The following KSR1 variants were observed in gnomAD, a reference collection of about 807,000 sequenced individuals.
KSR1 encodes the protein kinase suppressor of ras 1.
KSR1 carries 35 observed loss-of-function variants against 92.9 expected under a neutral mutation model. The ratio of observed to expected loss-of-function variants is 0.38; its 90% CI spans 0.29 to 0.50. The LOEUF (loss-of-function observed/expected upper bound fraction) is 0.50. KSR1 is among the 20% of genes least tolerant of loss of function. The pLI is 0.94. For synonymous variants in KSR1, 467 were observed against 472.6 expected, an observed-to-expected ratio of 0.99 and a Z score of 0.15; for missense variants, 972 against 1,158.5, an observed-to-expected ratio of 0.84 and a Z score of 2.34.
chr17:27,460,515 C>CT (rs925732759), intron 1 of KSR1, among the ~76,000 whole-genome samples: 1 of 152,148 alleles, frequency 6.6e-6, no homozygotes, highest in Admixed American at 6.5e-5. Flanking sequence ...ATGTTGGCAA[C>CT]TGTGGTAGGT....
Position 27,605,584 on chromosome 17 carries a change from G to A in KSR1, c.1765G>A (p.Glu589Lys), listed in dbSNP as rs755188882. 2.5e-6 allele frequency: 4 copies of A among 1,598,440 alleles called. No individual in the cohort carries two copies. Among genetic ancestry groups the A allele is most frequent in the East Asian group, 2.3e-5 (1 of 44,188 alleles). The stretch of plus-strand genomic sequence containing the variant: ...CCTGCAGGAGTGGGACATCCCCTTC[G>A]AGCAGGTAGAGCTGGGCGAGCCCAT... ...VYLQEWDIPF[E>K]QVELGEPIGQ... Residue 589 changes from glutamate (E) to lysine (K), a missense_variant, in exon 14 of 21, where the codon GAG (glutamate) becomes AAG (lysine). By Grantham distance (56) the Glu-to-Lys change is moderately conservative. Transcript: ENST00000644974.
At chr17:27,613,015 C>A (rs2073961135) in intron 18 of KSR1, 1 of 152,226 alleles carries the variant, frequency 6.6e-6, no homozygotes, top group Non-Finnish European at 1.5e-5. Context: ...TACTTTATTC[C>A]ACAGTAGTAT....
intron 1 of KSR1, among the ~76,000 whole-genome samples, chr17:27,521,133 C>T (rs2151020533): frequency 1.3e-5 from 2 of 152,160 alleles, no homozygotes; most frequent in Middle Eastern, 3.4e-3. Flanking sequence ...AGGAGCACAG[C>T]CCTGGGCCAG....
intron 1 of KSR1, among the ~76,000 whole-genome samples, chr17:27,480,915 G>A (rs1481453671): frequency 6.6e-6 from 1 of 152,140 alleles, no homozygotes; most frequent in Non-Finnish European, 1.5e-5. Flanking sequence ...TTCTTCTTTT[G>A]TATCAGCCAG....
At chr17:27,526,073 TTTC>T (rs1282321097) in intron 1 of KSR1, among the ~76,000 whole-genome samples, 34 of 71,804 alleles carry the variant, frequency 4.7e-4, no homozygotes, top group African/African-American at 1.4e-3. Context: ...TTTCTTTCTC[TTTC>T]TTTCTTTCTT....
intron 2 of KSR1, among the ~76,000 whole-genome samples, chr17:27,553,007 A>G (rs1224115842): frequency 6.6e-6 from 1 of 152,238 alleles, no homozygotes; most frequent in Admixed American, 6.5e-5. Flanking sequence ...CTAGAGCCAC[A>G]GAGGAGTAGA....
chr17:27,463,149 A>G (rs1229668272), intron 1 of KSR1, among the ~76,000 whole-genome samples: 1 of 152,208 alleles, frequency 6.6e-6, no homozygotes, highest in Admixed American at 6.5e-5. Flanking sequence ...CTAAGCAGGA[A>G]TGGCAGCCTT....
At chr17:27,541,952 C>A (rs1051681621) in intron 1 of KSR1, among the ~76,000 whole-genome samples, 1 of 152,226 alleles carries the variant, frequency 6.6e-6, no homozygotes. Context: ...ACCCACATCC[C>A]GATGTAGCTT....
intron 1 of KSR1, among the ~76,000 whole-genome samples, chr17:27,477,301 T>C (rs1047511310): frequency 6.6e-6 from 1 of 152,212 alleles, no homozygotes; most frequent in African/African-American, 2.4e-5. Flanking sequence ...ATGCAGCCTG[T>C]TAGCTCTCAG....
chr17:27,616,472 A>G (rs140514190), intron 18 of KSR1, among the ~76,000 whole-genome samples: 8 of 152,322 alleles, frequency 5.3e-5, no homozygotes, highest in Admixed American at 2.6e-4. Context: ...TTTTATGGAT[A>G]GAGCAGCTGC....
intron 10 of KSR1, among the ~76,000 whole-genome samples, chr17:27,600,948 G>A (rs1039151278): frequency 2.1e-4 from 32 of 152,222 alleles, no homozygotes; most frequent in African/African-American, 6.5e-4. Context: ...GGTAGGGAGT[G>A]GTAAGGTTGA....
intron 1 of KSR1, among the ~76,000 whole-genome samples, chr17:27,510,370 G>A (rs1326831962): frequency 1.3e-5 from 2 of 152,190 alleles, no homozygotes; most frequent in Non-Finnish European, 2.9e-5. Context: ...AGTGTTGGTG[G>A]TGATAAAACT....
At chr17:27,489,556 C>T (rs539103827) in intron 1 of KSR1, among the ~76,000 whole-genome samples, 1 of 152,214 alleles carries the variant, frequency 6.6e-6, no homozygotes, top group Admixed American at 6.5e-5. Context: ...TTCCTGGTAA[C>T]CCTGGCTCAT....
Position 27,456,468 on chromosome 17 carries a change from G to C in KSR1, c.-176G>C. The C allele has an allele frequency of 2.7e-6, 1 of 370,226 alleles. No homozygotes were observed. The allele number at this position is 370,226 out of a possible 1,614,324, so 22.9% of individuals were successfully genotyped here. A position where few individuals can be genotyped will look rare whatever the true frequency, so the allele number is the denominator to read the frequency against. On this transcript the variant is annotated 5_prime_UTR_variant, in exon 1 of 21. Transcript: ENST00000644974. ...GTCGGGTCGCCGCGGCTTTCGCTTT[G>C]CTGCCGCGGCTGGGAGGGTGGAAGC...
chr17:27,566,771 A>G (rs73274014), intron 2 of KSR1, among the ~76,000 whole-genome samples: 1 of 152,322 alleles, frequency 6.6e-6, no homozygotes, highest in African/African-American at 2.4e-5. Flanking sequence ...ATCAGTTAGA[A>G]TCTTCCTGAA....
At chr17:27,496,500 C>G (rs534865377) in intron 1 of KSR1, among the ~76,000 whole-genome samples, 1 of 152,300 alleles carries the variant, frequency 6.6e-6, no homozygotes, top group East Asian at 1.9e-4. Context: ...GCCAGATTTT[C>G]TGGTCCTCTT....
At chr17:27,587,854 G>A (rs1406934325) in intron 5 of KSR1, among the ~76,000 whole-genome samples, 2 of 152,352 alleles carry the variant, frequency 1.3e-5, no homozygotes, top group East Asian at 3.9e-4. Flanking sequence ...GAAGGAGGGT[G>A]CCCAAGAAGT....
At chr17:27,499,194 G>A (rs1320566694) in intron 1 of KSR1, among the ~76,000 whole-genome samples, 1 of 152,182 alleles carries the variant, frequency 6.6e-6, no homozygotes, top group East Asian at 1.9e-4. Flanking sequence ...GGAGGTGGAG[G>A]GAAGCAGCGC....
At chr17:27,592,723 T>C (rs1012096636) in intron 9 of KSR1, 97 bp downstream of exon 9, 9 of 958,116 alleles carry the variant, frequency 9.4e-6, no homozygotes, top group Non-Finnish European at 1.4e-5. Flanking sequence ...AAGTTTGGCA[T>C]GACACCACCG....
Sources: allele counts gnomAD v4.1 joint callset (sites outside exome capture counted in the v4.1 genomes callset), GRCh38; gene constraint gnomAD v4.1.1; transcripts MANE v1.5; gene names NCBI Gene and HGNC (gene_info 2026-07-23, HGNC 2026-07-21).